The following RCSD1 variants were observed in gnomAD, a reference collection of about 807,000 sequenced individuals.
RCSD1 encodes RCSD domain containing 1, also known as capZ-interacting protein.
RCSD1 carries 26 observed loss-of-function variants against 42.5 expected under a neutral mutation model. That is an observed-to-expected ratio of 0.61 (90% CI 0.45 to 0.85). RCSD1 has a LOEUF of 0.85. RCSD1 is among the 40% of genes least tolerant of loss of function. The pLI, the probability that RCSD1 is intolerant of heterozygous loss-of-function variation, is 0.00. For synonymous variants in RCSD1, 220 were observed against 212.2 expected (o/e 1.04, Z -0.32); for missense variants, 571 against 528.3 (o/e 1.08, Z -0.79).
At chr1:167,675,976 G>T (rs1658941489) in intron 1 of RCSD1, among the ~76,000 whole-genome samples, 1 of 152,118 alleles carries the variant, frequency 6.6e-6, no homozygotes. Context: ...AGAGTATTCA[G>T]GAATGCTGCT....
intron 1 of RCSD1, among the ~76,000 whole-genome samples, chr1:167,672,432 C>A (rs747678023): frequency 3.3e-5 from 5 of 152,172 alleles, no homozygotes; most frequent in Admixed American, 6.5e-5. Flanking sequence ...GGACTAAAAT[C>A]AAGTTTTTGG....
rs577105766 is a variant in RCSD1, at chr1:167,707,667, T to A, written c.*2971T>A. Among the ~76,000 whole-genome samples the A allele has an allele frequency of 3.7e-5, 5 of 136,764 alleles. No individual in the cohort carries two copies. The highest frequency in any genetic ancestry group is 4.1e-4 in the East Asian group (2 of 4,832). The allele number at this position is 136,764 out of a possible 152,430, so 89.7% of individuals were successfully genotyped here. ...GCTGTCTCTTTTTTCTCTTCTTTTC[T>A]CTTCTTTTTTTTTGAATGAGACAGA... is the stretch of plus-strand genomic sequence containing the variant. On this transcript the variant is annotated 3_prime_UTR_variant, in exon 7 of 7. Transcript: ENST00000367854.
chr1:167,701,078 T>C (rs970746848), intron 6 of RCSD1, among the ~76,000 whole-genome samples: 2 of 152,110 alleles, frequency 1.3e-5, no homozygotes, highest in African/African-American at 2.4e-5. Flanking sequence ...CAACAGAGCC[T>C]TGGGCAGGGG....
chr1:167,669,118 T>C (rs916212046), intron 1 of RCSD1, among the ~76,000 whole-genome samples: 2 of 152,206 alleles, frequency 1.3e-5, no homozygotes, highest in Non-Finnish European at 2.9e-5. Context: ...AAGTTCTGCA[T>C]GTTTGCTAAT....
intron 1 of RCSD1, among the ~76,000 whole-genome samples, chr1:167,666,018 G>T (rs1439405077): frequency 6.6e-6 from 1 of 152,136 alleles, no homozygotes; most frequent in Non-Finnish European, 1.5e-5. Flanking sequence ...GGCCATGTTT[G>T]CCAGGCTGTT....
At chr1:167,679,367 T>TC (rs1224508838) in intron 1 of RCSD1, among the ~76,000 whole-genome samples, 1 of 152,224 alleles carries the variant, frequency 6.6e-6, no homozygotes, top group African/African-American at 2.4e-5. Context: ...CCTACCTGGT[T>TC]CCCAGTCCAG....
intron 1 of RCSD1, chr1:167,663,598 G>A (rs1558080558): frequency 6.6e-6 from 1 of 152,274 alleles, no homozygotes; most frequent in Non-Finnish European, 1.5e-5. Flanking sequence ...TGGTTCCAAA[G>A]ACTCCCATTT....
intron 3 of RCSD1, among the ~76,000 whole-genome samples, chr1:167,688,221 A>AG (rs551771751): frequency 2.5e-4 from 38 of 152,320 alleles, no homozygotes; most frequent in African/African-American, 8.7e-4. Flanking sequence ...ACTGTGTTTA[A>AG]GGGGCAGGGT....
chr1:167,697,091 T>C lies in RCSD1; in HGVS notation c.475-8T>C. ...TTTTGGATAACTTTCCTTAACACTTTCTTCTAGGTGCGGACGAGGGGCTCA... is the reference window on the plus strand; with the variant it reads ...TTTTGGATAACTTTCCTTAACACTTCCTTCTAGGTGCGGACGAGGGGCTCA... On this transcript the variant is annotated splice_polypyrimidine_tract_variant and splice_region_variant and intron_variant, in intron 5 of 6. Coordinates refer to ENST00000367854, the MANE Select transcript of RCSD1 (RefSeq NM_052862.4). 6.3e-7 allele frequency: 1 copy of C among 1,597,040 alleles called. No homozygotes were observed. Among genetic ancestry groups the C allele is most frequent in the Non-Finnish European group, 8.5e-7 (1 of 1,170,446 alleles).
At chr1:167,684,674 C>T (rs889900845) in intron 2 of RCSD1, among the ~76,000 whole-genome samples, 2 of 151,998 alleles carry the variant, frequency 1.3e-5, no homozygotes, top group African/African-American at 4.8e-5. Flanking sequence ...TGGGAGTTCG[C>T]GACCAGCCTG....
chr1:167,675,000 A>T (rs1229349), intron 1 of RCSD1, among the ~76,000 whole-genome samples: 2,757 of 152,098 alleles, frequency 0.018, 48 homozygotes, highest in Middle Eastern at 0.051. Flanking sequence ...AAGTCAGGAG[A>T]TCAAGACCAT....
At chr1:167,639,948 C>T (rs1388554612) in intron 1 of RCSD1, among the ~76,000 whole-genome samples, 3 of 152,226 alleles carry the variant, frequency 2.0e-5, no homozygotes, top group Admixed American at 2.0e-4. Context: ...CCCCTGTTGT[C>T]CAGTCATGCC....
intron 1 of RCSD1, chr1:167,665,156 A>G (rs946670401): frequency 1.3e-5 from 2 of 152,114 alleles, no homozygotes; most frequent in African/African-American, 4.8e-5. Flanking sequence ...GCAATCAGTG[A>G]TCTTCTTTCT....
chr1:167,669,152 A>G (rs1397158665), intron 1 of RCSD1, among the ~76,000 whole-genome samples: 1 of 152,254 alleles, frequency 6.6e-6, no homozygotes, highest in Admixed American at 6.5e-5. Flanking sequence ...TGACATCTAA[A>G]CACTGGAAAC....
At chr1:167,679,093 C>A (rs1319347250) in intron 1 of RCSD1, among the ~76,000 whole-genome samples, 2 of 152,180 alleles carry the variant, frequency 1.3e-5, no homozygotes, top group Non-Finnish European at 2.9e-5. Flanking sequence ...AGGGCCTAGA[C>A]CAGTAAATGC....
chr1:167,654,196 T>G (rs186770736), intron 1 of RCSD1, among the ~76,000 whole-genome samples: 1 of 152,190 alleles, frequency 6.6e-6, no homozygotes, highest in African/African-American at 2.4e-5. Context: ...GAAAGGGCCA[T>G]GTACACAAAG....
rs746331283 is a variant in RCSD1 at position 167,685,401 on chromosome 1, G to C, written c.109-20G>C. 2.5e-6 allele frequency: 4 copies of C among 1,604,716 alleles called. No homozygotes were observed. Among genetic ancestry groups the C allele is most frequent in the Admixed American group, 1.7e-5 (1 of 59,680 alleles). ...GTGCTCTCTTTTTCTCTGTGTGTCT[G>C]TCTGTCGCCCTCCCTCCAGACACCA... On this transcript the variant is annotated intron_variant, in intron 2 of 6. Transcript: ENST00000367854.
intron 1 of RCSD1, among the ~76,000 whole-genome samples, chr1:167,682,728 C>G (rs1386859601): frequency 1.3e-5 from 2 of 150,826 alleles, no homozygotes. Flanking sequence ...AGTAAGCTCG[C>G]TGCTGGAGGG....
chr1:167,691,861 C>T (rs1015556493), intron 4 of RCSD1, among the ~76,000 whole-genome samples: 3 of 152,160 alleles, frequency 2.0e-5, no homozygotes, highest in Non-Finnish European at 4.4e-5. Flanking sequence ...CAGGAGGCTG[C>T]AGGGCTCCTA....
Sources: gnomAD v4.1 joint callset for allele counts (sites outside exome capture counted in the v4.1 genomes callset) on GRCh38, gnomAD v4.1.1 for gene constraint, MANE v1.5 for transcripts, NCBI Gene and HGNC (gene_info 2026-07-23, HGNC 2026-07-21) for gene names.